CACNA2D3: variants seen among roughly 807,000 people sequenced by gnomAD.
CACNA2D3 encodes calcium voltage-gated channel auxiliary subunit alpha2delta 3.
In CACNA2D3, 60 loss-of-function variants were observed where a neutral mutation model predicts 160.6. The observed-to-expected ratio is 0.37, with a 90% CI of 0.30 to 0.46. The LOEUF is 0.46. CACNA2D3 is among the 20% of genes least tolerant of loss of function. CACNA2D3 has a pLI of 1.00. For missense variants in CACNA2D3, 1,205 were observed against 1,365.0 expected (o/e 0.88, Z 1.85); for synonymous variants, 558 against 492.9 (o/e 1.13, Z -1.75).
intron 2 of CACNA2D3, among the ~76,000 whole-genome samples, chr3:54,247,228 T>G (rs2107417070): frequency 6.6e-6 from 1 of 152,234 alleles, no homozygotes; most frequent in Non-Finnish European, 1.5e-5. Context: ...GAGAATTGCT[T>G]GAACCCTGGA....
intron 4 of CACNA2D3, among the ~76,000 whole-genome samples, chr3:54,430,107 T>C (rs1699967042): frequency 6.6e-6 from 1 of 152,240 alleles, no homozygotes; most frequent in African/African-American, 2.4e-5. Flanking sequence ...TATTTAATGC[T>C]AATTATGTCC....
chr3:54,322,569 T>G (rs900148151), intron 3 of CACNA2D3, among the ~76,000 whole-genome samples: 4 of 152,084 alleles, frequency 2.6e-5, no homozygotes, highest in African/African-American at 9.7e-5. Context: ...TACACCTAGG[T>G]GGTGGGGTTG....
chr3:54,988,286 G>A (rs1168575002), intron 31 of CACNA2D3, among the ~76,000 whole-genome samples: 3 of 152,172 alleles, frequency 2.0e-5, no homozygotes, highest in Non-Finnish European at 4.4e-5. Context: ...AATTCCACAG[G>A]TGGCAGATAC....
chr3:54,848,722 C>T (rs1341730873), intron 17 of CACNA2D3, among the ~76,000 whole-genome samples: 1 of 152,216 alleles, frequency 6.6e-6, no homozygotes, highest in Non-Finnish European at 1.5e-5. Context: ...TCAATTCCAG[C>T]ATCACACTGT....
intron 8 of CACNA2D3, among the ~76,000 whole-genome samples, chr3:54,574,975 T>G (rs1417755321): frequency 6.6e-6 from 1 of 152,278 alleles, no homozygotes; most frequent in African/African-American, 2.4e-5. Context: ...GTGGATTTGC[T>G]TTTTAAAGTA....
rs115396502 is a variant in CACNA2D3, at chr3:54,366,291, C to A, written c.322-20424C>A. Among the ~76,000 whole-genome samples the A allele has an allele frequency of 7.8e-3, 1,185 of 152,292 alleles. 21 individuals carry two copies. Among genetic ancestry groups the A allele is most frequent in the African/African-American group, 0.027 (1,122 of 41,558 alleles). On this transcript the variant is annotated intron_variant, in intron 3 of 37. Coordinates refer to ENST00000474759, the MANE Select transcript of CACNA2D3 (RefSeq NM_018398.3). The stretch of plus-strand genomic sequence containing the variant: ...CAGAGACACCACATGTGGAAAAGAC[C>A]TGCATGCTTATTGTTGGTTTGAATA...
intron 11 of CACNA2D3, among the ~76,000 whole-genome samples, chr3:54,732,350 T>C (rs1479569409): frequency 6.6e-6 from 1 of 152,228 alleles, no homozygotes; most frequent in African/African-American, 2.4e-5. Flanking sequence ...TGAGAGAAGA[T>C]GGTCCTTGCT....
intron 13 of CACNA2D3, among the ~76,000 whole-genome samples, chr3:54,781,105 G>A (rs1006459529): frequency 1.3e-5 from 2 of 152,174 alleles, no homozygotes; most frequent in African/African-American, 4.8e-5. Context: ...AACTATTAAT[G>A]TTACTGAGAA....
intron 2 of CACNA2D3, among the ~76,000 whole-genome samples, chr3:54,316,415 A>T (rs1381938220): frequency 6.6e-6 from 1 of 152,184 alleles, no homozygotes; most frequent in African/African-American, 2.4e-5. Context: ...AGAGTAAGGC[A>T]TTATATTTTT....
At chr3:54,289,823 A>C (rs1458576480) in intron 2 of CACNA2D3, among the ~76,000 whole-genome samples, 1 of 152,114 alleles carries the variant, frequency 6.6e-6, no homozygotes, top group African/African-American at 2.4e-5. Flanking sequence ...TTCCCTATTT[A>C]ATAAATGGTG....
At chr3:54,283,420 T>A (rs541520893) in intron 2 of CACNA2D3, among the ~76,000 whole-genome samples, 2 of 152,226 alleles carry the variant, frequency 1.3e-5, no homozygotes, top group Non-Finnish European at 2.9e-5. Flanking sequence ...AAGTTGCATA[T>A]CTGCACTCTT....
intron 9 of CACNA2D3, among the ~76,000 whole-genome samples, chr3:54,601,774 T>C (rs1703064694): frequency 6.6e-6 from 1 of 152,054 alleles, no homozygotes; most frequent in African/African-American, 2.4e-5. Context: ...TTCTGGAGTC[T>C]GATTTAAATG....
chr3:54,940,782 G>A (rs902982624), intron 27 of CACNA2D3, among the ~76,000 whole-genome samples: 8 of 151,760 alleles, frequency 5.3e-5, no homozygotes, highest in African/African-American at 1.5e-4. Context: ...GTTTTGCAGG[G>A]GAAGGGGGCT....
At chr3:54,632,277 A>G (rs1394114279) in intron 10 of CACNA2D3, 2 of 152,214 alleles carry the variant, frequency 1.3e-5, no homozygotes, top group African/African-American at 4.8e-5. Context: ...CATTATTCAG[A>G]TATCTTCTTT....
At chr3:55,049,925 C>T (rs1190303106) in intron 35 of CACNA2D3, among the ~76,000 whole-genome samples, 1 of 150,626 alleles carries the variant, frequency 6.6e-6, no homozygotes, top group Non-Finnish European at 1.5e-5. Context: ...AGGATTGCAA[C>T]CCCTGCCTTT....
At chr3:55,034,005 T>TACTTA (rs1292564263) in intron 35 of CACNA2D3, among the ~76,000 whole-genome samples, 1 of 150,026 alleles carries the variant, frequency 6.7e-6, no homozygotes, top group Non-Finnish European at 1.5e-5. Context: ...AAACATTGGC[T>TACTTA]ACTTAACTCA....
intron 2 of CACNA2D3, among the ~76,000 whole-genome samples, chr3:54,183,885 C>CAA: frequency 6.6e-5 from 3 of 45,280 alleles, no homozygotes; most frequent in Non-Finnish European, 1.2e-4. Context: ...AACTCCGTCT[C>CAA]AAAAAAGAAA....
intron 8 of CACNA2D3, among the ~76,000 whole-genome samples, chr3:54,577,531 C>T (rs1702605122): frequency 6.6e-6 from 1 of 152,244 alleles, no homozygotes; most frequent in African/African-American, 2.4e-5. Context: ...TTTGCCGTCA[C>T]TGACATCACC....
chr3:54,538,502 C>CT (rs1211579944), intron 5 of CACNA2D3, among the ~76,000 whole-genome samples: 1 of 152,168 alleles, frequency 6.6e-6, no homozygotes, highest in East Asian at 1.9e-4. Flanking sequence ...CCCTTCACAG[C>CT]TTCTTTCCCT....
Sources: gnomAD v4.1 joint callset for allele counts (sites outside exome capture counted in the v4.1 genomes callset) on GRCh38, gnomAD v4.1.1 for gene constraint, MANE v1.5 for transcripts, NCBI Gene and HGNC (gene_info 2026-07-23, HGNC 2026-07-21) for gene names.